The following SNAP25 variants were observed in gnomAD, a reference collection of about 807,000 sequenced individuals.
SNAP25 encodes the protein synaptosome associated protein 25.
Under a neutral mutation model 28.7 loss-of-function variants are expected in SNAP25, and 3 were observed. The observed-to-expected ratio is 0.10, with a 90% confidence interval of 0.05 to 0.27. The LOEUF is 0.27. Among genes scored for constraint, SNAP25 ranks in the 10% least tolerant of loss-of-function variants. SNAP25 has a pLI of 1.00. For missense variants in SNAP25, 117 were observed against 278.7 expected (o/e 0.42, Z 4.13); for synonymous variants, 61 against 88.1 (o/e 0.69, Z 1.72).
chr20:10,283,415 A>G (rs751201380), intron 3 of SNAP25, among the ~76,000 whole-genome samples: 1 of 151,892 alleles, frequency 6.6e-6, no homozygotes, highest in Non-Finnish European at 1.5e-5. Context: ...GCTGTCAAGG[A>G]CTCCTGAGGC....
chr20:10,222,364 TG>T (rs1483246452), intron 1 of SNAP25, among the ~76,000 whole-genome samples: 1 of 152,198 alleles, frequency 6.6e-6, no homozygotes, highest in Non-Finnish European at 1.5e-5. Flanking sequence ...TGGAACAATC[TG>T]AGAGAAGAGG....
chr20:10,270,103 A>G (rs528315315), intron 1 of SNAP25, among the ~76,000 whole-genome samples: 4 of 151,978 alleles, frequency 2.6e-5, no homozygotes, highest in Non-Finnish European at 5.9e-5. Flanking sequence ...AAAATACAAA[A>G]TTAGCCTGGC....
Position 10,277,700 on chromosome 20 carries a change from C to G in SNAP25, c.88C>G (p.Arg30Gly). ...QLADESLEST[R>G]RMLQLVEESK... ...TAAATCTTAGTCGCTGGAAAGCACCCGTCGTATGCTGCAACTGGTTGAAGA... is the reference window on the plus strand; with the variant it reads ...TAAATCTTAGTCGCTGGAAAGCACCGGTCGTATGCTGCAACTGGTTGAAGA... The change falls in exon 3 of 8, where the codon CGT (arginine) becomes GGT (glycine). Residue 30 changes from arginine to glycine, a missense_variant. Around this residue, in one of 3 missense-constraint regions of SNAP25, gnomAD observed 29 missense variants for 53.5 expected, o/e 0.54. Transcript: ENST00000254976. 1 of 1,613,588 alleles carries G rather than the reference C, an allele frequency of 6.2e-7. No homozygotes were observed. Among genetic ancestry groups the G allele is most frequent in the Non-Finnish European group, 8.5e-7 (1 of 1,179,888 alleles).
intron 1 of SNAP25, among the ~76,000 whole-genome samples, chr20:10,260,697 AC>A (rs2063396048): frequency 2.5e-5 from 1 of 39,712 alleles, no homozygotes; most frequent in Non-Finnish European, 4.9e-5. Flanking sequence ...CTACACACAC[AC>A]ACACACACAC....
chr20:10,244,029 C>T (rs1174506861), intron 1 of SNAP25, among the ~76,000 whole-genome samples: 1 of 152,168 alleles, frequency 6.6e-6, no homozygotes, highest in Admixed American at 6.5e-5. Flanking sequence ...CTGACTGTTA[C>T]CTTGGGTAAG....
chr20:10,297,984 TA>T (rs112970133), intron 6 of SNAP25, among the ~76,000 whole-genome samples: 223 of 143,656 alleles, frequency 1.6e-3, no homozygotes, highest in African/African-American at 3.2e-3. Context: ...GCATTTCCTT[TA>T]AAAAAAAAAA....
At chr20:10,277,591 T>A in intron 2 of SNAP25, 94 bp from the exon 3 acceptor site, 1 of 1,050,448 alleles carries the variant, frequency 9.5e-7, no homozygotes, top group African/African-American at 1.6e-5. Flanking sequence ...AGAGACCCTT[T>A]GTGTTTCTCA....
chr20:10,301,121 A>T (rs1173826040), intron 7 of SNAP25, among the ~76,000 whole-genome samples: 1 of 152,240 alleles, frequency 6.6e-6, no homozygotes, highest in African/African-American at 2.4e-5. Flanking sequence ...TTATTGACAG[A>T]GTTGAACTTT....
intron 1 of SNAP25, among the ~76,000 whole-genome samples, chr20:10,246,788 G>A (rs965104673): frequency 9.2e-5 from 14 of 152,156 alleles, no homozygotes; most frequent in Non-Finnish European, 1.6e-4. Flanking sequence ...TTCACCAGCC[G>A]CTGGGTACAA....
At chr20:10,255,240 C>G (rs140407513) in intron 1 of SNAP25, among the ~76,000 whole-genome samples, 4 of 152,352 alleles carry the variant, frequency 2.6e-5, no homozygotes, top group African/African-American at 9.6e-5. Flanking sequence ...CACAGACTCA[C>G]TGGTGTAGCA....
At chr20:10,248,108 C>T (rs2063161003) in intron 1 of SNAP25, among the ~76,000 whole-genome samples, 1 of 152,142 alleles carries the variant, frequency 6.6e-6, no homozygotes, top group African/African-American at 2.4e-5. Context: ...ATGTTGAGCC[C>T]ATGCTTATGA....
chr20:10,219,291 CAG>C (rs2062576800), intron 1 of SNAP25: 1 of 152,296 alleles, frequency 6.6e-6, no homozygotes, highest in Non-Finnish European at 1.5e-5. Context: ...ATGCAGTTTT[CAG>C]AGATATTTAG....
chr20:10,265,851 G>T (rs752971223), intron 1 of SNAP25, among the ~76,000 whole-genome samples: 1 of 152,168 alleles, frequency 6.6e-6, no homozygotes, highest in Non-Finnish European at 1.5e-5. Flanking sequence ...CTCAAACTTA[G>T]TGCTTGATAT....
intron 1 of SNAP25, among the ~76,000 whole-genome samples, chr20:10,229,504 T>C (rs931053407): frequency 6.6e-6 from 1 of 152,140 alleles, no homozygotes; most frequent in Non-Finnish European, 1.5e-5. Context: ...CTAAGCTGCA[T>C]TCACAGAATG....
At chr20:10,305,909 A>G (rs930342969) in intron 7 of SNAP25, among the ~76,000 whole-genome samples, 7 of 151,942 alleles carry the variant, frequency 4.6e-5, no homozygotes, top group African/African-American at 1.7e-4. Flanking sequence ...GAAAAAATAT[A>G]TTCGTTCATT....
intron 1 of SNAP25, among the ~76,000 whole-genome samples, chr20:10,256,019 A>G (rs978021063): frequency 3.1e-4 from 47 of 152,260 alleles, no homozygotes; most frequent in African/African-American, 1.1e-3. Context: ...GAACAGATGG[A>G]TTTAGGCAGA....
At chr20:10,244,742 T>C (rs1338838028) in intron 1 of SNAP25, among the ~76,000 whole-genome samples, 1 of 151,444 alleles carries the variant, frequency 6.6e-6, no homozygotes, top group Admixed American at 6.6e-5. Flanking sequence ...TCTTTTTTTT[T>C]TTTTTTGAGA....
intron 4 of SNAP25, among the ~76,000 whole-genome samples, chr20:10,287,320 C>A (rs1234284614): frequency 6.6e-6 from 1 of 152,004 alleles, no homozygotes. Context: ...AAGAAAAAAA[C>A]AAATAACCCC....
chr20:10,288,999 T>C (rs534350458), intron 4 of SNAP25, among the ~76,000 whole-genome samples: 7 of 152,322 alleles, frequency 4.6e-5, no homozygotes, highest in African/African-American at 1.7e-4. Context: ...ATTTTGTTTA[T>C]GCGTGAGCAC....
Sources: gnomAD v4.1 joint callset for allele counts (sites outside exome capture counted in the v4.1 genomes callset) on GRCh38, gnomAD v4.1.1 for gene constraint, gnomAD v4.1.1 regional missense constraint, MANE v1.5 for transcripts, NCBI Gene and HGNC (gene_info 2026-07-23, HGNC 2026-07-21) for gene names.